The following MAP2 variants were observed in gnomAD, a reference collection of about 807,000 sequenced individuals.
MAP2 encodes the protein microtubule-associated protein 2.
Under a neutral mutation model 137.6 loss-of-function variants are expected in MAP2, and 14 were observed. That is an observed-to-expected ratio of 0.10 (90% CI 0.07 to 0.16). The LOEUF is 0.16. Ranked by LOEUF, MAP2 falls within the 10% of genes least tolerant of loss-of-function variation. The pLI is 1.00. For synonymous variants in MAP2, 786 were observed against 782.3 expected, an observed-to-expected ratio of 1.00 and a Z score of -0.08; for missense variants, 2,088 against 2,191.5, an observed-to-expected ratio of 0.95 and a Z score of 0.94.
intron 1 of MAP2, among the ~76,000 whole-genome samples, chr2:209,427,208 G>A (rs1008111897): frequency 1.3e-5 from 2 of 152,094 alleles, no homozygotes; most frequent in African/African-American, 4.8e-5. Flanking sequence ...TTAAGATAAA[G>A]AATCTGAAAT....
chr2:209,501,525 TA>T (rs2150121703), intron 1 of MAP2, among the ~76,000 whole-genome samples: 1 of 152,338 alleles, frequency 6.6e-6, no homozygotes, highest in African/African-American at 2.4e-5. Flanking sequence ...TCTTACCTTT[TA>T]GGTGAGGAGA....
At chr2:209,456,282 T>G (rs1176672382) in intron 1 of MAP2, among the ~76,000 whole-genome samples, 1 of 152,176 alleles carries the variant, frequency 6.6e-6, no homozygotes, top group African/African-American at 2.4e-5. Flanking sequence ...GCTTATAGTA[T>G]TAAAAATATC....
intron 1 of MAP2, among the ~76,000 whole-genome samples, chr2:209,449,221 T>C (rs978095183): frequency 7.9e-5 from 12 of 152,212 alleles, no homozygotes; most frequent in African/African-American, 2.7e-4. Flanking sequence ...GCACACTGGC[T>C]GGACCATAGT....
chr2:209,650,560 A>G (rs1194145453), intron 4 of MAP2, among the ~76,000 whole-genome samples: 1 of 152,174 alleles, frequency 6.6e-6, no homozygotes, highest in Non-Finnish European at 1.5e-5. Flanking sequence ...AAAGGAACCT[A>G]AGGAGACATG....
rs139740095 is a variant in MAP2, at chr2:209,455,086, G to A, written c.-222+30810G>A. The stretch of plus-strand genomic sequence containing the variant: ...AATCACATCATGAGGACCTCACCCT[G>A]ATTAACCTCATCTAAACCCAGTTAC... On this transcript the variant is annotated intron_variant, in intron 1 of 15. Coordinates refer to ENST00000682079, the MANE Select transcript of MAP2 (RefSeq NM_001375505.1). Among the ~76,000 whole-genome samples, 816 of 152,228 alleles carry A rather than the reference G, an allele frequency of 5.4e-3. 9 individuals carry two copies. The highest frequency in any genetic ancestry group is 0.019 in the African/African-American group (771 of 41,524).
chr2:209,555,483 A>T (rs943377179), intron 2 of MAP2, among the ~76,000 whole-genome samples: 2 of 152,184 alleles, frequency 1.3e-5, no homozygotes, highest in Admixed American at 1.3e-4. Flanking sequence ...ACTGTTTATT[A>T]AGGCTTATGA....
At chr2:209,596,094 T>TAG (rs2081218855) in intron 3 of MAP2, among the ~76,000 whole-genome samples, 6 of 151,960 alleles carry the variant, frequency 3.9e-5, no homozygotes, top group Non-Finnish European at 8.8e-5. Context: ...CCCTAGAACT[T>TAG]AAAGTATAAT....
At chr2:209,599,186 C>G (rs991051355) in intron 3 of MAP2, among the ~76,000 whole-genome samples, 1 of 151,932 alleles carries the variant, frequency 6.6e-6, no homozygotes, top group African/African-American at 2.4e-5. Flanking sequence ...ATTTGCATTT[C>G]TCTGATGGCC....
At chr2:209,480,286 C>A (rs1012436054) in intron 1 of MAP2, among the ~76,000 whole-genome samples, 2 of 152,064 alleles carry the variant, frequency 1.3e-5, no homozygotes, top group Non-Finnish European at 2.9e-5. Flanking sequence ...GTACTATACC[C>A]TTTAGCTTTA....
At chr2:209,466,539 A>C (rs573428258) in intron 1 of MAP2, among the ~76,000 whole-genome samples, 1 of 152,244 alleles carries the variant, frequency 6.6e-6, no homozygotes, top group Admixed American at 6.5e-5. Flanking sequence ...CCTACTAGGT[A>C]TCAAGTACTT....
chr2:209,479,441 A>G (rs1559214842), intron 1 of MAP2, among the ~76,000 whole-genome samples: 1 of 152,120 alleles, frequency 6.6e-6, no homozygotes, highest in South Asian at 2.1e-4. Flanking sequence ...ATAGATAGGA[A>G]CTATGATAAT....
At chr2:209,586,209 A>G (rs547147035) in intron 3 of MAP2, among the ~76,000 whole-genome samples, 50 of 152,260 alleles carry the variant, frequency 3.3e-4, no homozygotes, top group African/African-American at 1.1e-3. Context: ...TTTGCTGCTT[A>G]TTAACATGGA....
At chr2:209,607,748 C>T (rs1016619609) in intron 3 of MAP2, among the ~76,000 whole-genome samples, 6 of 152,166 alleles carry the variant, frequency 3.9e-5, no homozygotes, top group African/African-American at 1.4e-4. Flanking sequence ...ATATTAATAC[C>T]ATGTGGCTGC....
intron 2 of MAP2, among the ~76,000 whole-genome samples, chr2:209,574,575 A>C (rs2075001471): frequency 6.6e-6 from 1 of 152,178 alleles, no homozygotes; most frequent in South Asian, 2.1e-4. Flanking sequence ...CATTTTGTAC[A>C]ACTCACGCTA....
intron 5 of MAP2, among the ~76,000 whole-genome samples, chr2:209,665,111 C>G (rs758451242): frequency 6.6e-6 from 1 of 151,834 alleles, no homozygotes; most frequent in Non-Finnish European, 1.5e-5. Context: ...GGTAGGAACT[C>G]CAAAATACTG....
At chr2:209,467,919 C>T (rs546691708) in intron 1 of MAP2, among the ~76,000 whole-genome samples, 1 of 152,114 alleles carries the variant, frequency 6.6e-6, no homozygotes, top group African/African-American at 2.4e-5. Flanking sequence ...TGGAACAATG[C>T]CTAGCTCATA....
At chr2:209,463,592 A>G (rs1433791786) in intron 1 of MAP2, among the ~76,000 whole-genome samples, 10 of 152,222 alleles carry the variant, frequency 6.6e-5, no homozygotes, top group African/African-American at 9.6e-5. Flanking sequence ...TATAATCATA[A>G]TACATTTACA....
chr2:209,699,315 A>G (rs3768811), intron 10 of MAP2, among the ~76,000 whole-genome samples: 35,529 of 152,082 alleles, frequency 0.23, 6,860 homozygotes, highest in African/African-American at 0.54. Context: ...ATACCTTTTT[A>G]GAACTTATTC....
chr2:209,459,400 T>TA (rs1702245245), intron 1 of MAP2, among the ~76,000 whole-genome samples: 1 of 152,170 alleles, frequency 6.6e-6, no homozygotes, highest in Non-Finnish European at 1.5e-5. Flanking sequence ...CTCTGGAACT[T>TA]ACTTTTTCTC....
Sources: allele counts gnomAD v4.1 joint callset (sites outside exome capture counted in the v4.1 genomes callset), GRCh38; gene constraint gnomAD v4.1.1; transcripts MANE v1.5; gene names NCBI Gene and HGNC (gene_info 2026-07-23, HGNC 2026-07-21).